NFIX: variants seen among roughly 807,000 people sequenced by gnomAD.
NFIX encodes the protein nuclear factor I X, also known as nuclear factor 1 X-type.
A neutral mutation model predicts 53.3 loss-of-function variants in NFIX; 2 were observed. The ratio of observed to expected loss-of-function variants is 0.04; its 90% CI spans 0.02 to 0.12. The LOEUF is 0.12. NFIX is among the 10% of genes least tolerant of loss of function. NFIX has a pLI of 1.00. For missense variants in NFIX, 310 were observed against 674.5 expected (o/e 0.46, Z 5.99); for synonymous variants, 244 against 289.0 (o/e 0.84, Z 1.58).
intron 2 of NFIX, among the ~76,000 whole-genome samples, chr19:13,032,281 A>G (rs1447365727): frequency 6.6e-6 from 1 of 152,000 alleles, no homozygotes; most frequent in African/African-American, 2.4e-5. Flanking sequence ...CTAGTGTAGG[A>G]GTGGAGGGTT....
rs1300601917 is a variant in NFIX at position 13,001,113 on chromosome 19, G to A, written c.27+5249G>A. ...TCCCAGCTGGGGTGGGGAAAAGGAG[G>A]GGGGTGTCTTAATTTTCTTGCCCCC... is the stretch of plus-strand genomic sequence containing the variant. On this transcript the variant is annotated intron_variant, in intron 1 of 10. Transcript: ENST00000592199. This position sits in a 1 kb window ranked among gnomAD's most constrained non-coding sequence, Gnocchi z 6.5. Among the ~76,000 whole-genome samples, 2 of 152,172 alleles carry A rather than the reference G, an allele frequency of 1.3e-5. No homozygotes were observed. Among genetic ancestry groups the A allele is most frequent in the Non-Finnish European group, 2.9e-5 (2 of 68,024 alleles).
chr19:13,083,685 G>A (rs990790988), intron 8 of NFIX, among the ~76,000 whole-genome samples: 1 of 152,150 alleles, frequency 6.6e-6, no homozygotes, highest in Non-Finnish European at 1.5e-5. Context: ...CCCAGCTGGG[G>A]AGCAACTTCT....
In NFIX at chr19:13,098,219, T is replaced by TC. The variant is rs1312253179; in HGVS notation, c.*3575dup. 6 of 138,152 alleles carry TC rather than the reference T, an allele frequency of 4.3e-5. No homozygotes were observed. The highest frequency in any genetic ancestry group is 1.7e-4 in the African/African-American group (6 of 35,908). 8.6% of individuals were successfully genotyped at this position (138,152 alleles called of 1,614,324 possible). On this transcript the variant is annotated 3_prime_UTR_variant, in exon 11 of 11. Coordinates refer to ENST00000592199, the MANE Select transcript of NFIX (RefSeq NM_001365902.3). ...AGCAATAAAGTCACGAGAACTTTCG[T>TC]CCCCCAATCGAGAGCCCGAGGGGCA...
At position 13,009,281 on chromosome 19, in the gene NFIX, G is replaced by A. The variant is rs2012200043; in HGVS notation, c.27+13417G>A. Among the ~76,000 whole-genome samples the A allele has an allele frequency of 6.6e-6, 1 of 151,940 alleles. No individual in the cohort carries two copies. The highest frequency in any genetic ancestry group is 2.4e-5 in the African/African-American group (1 of 41,410). On this transcript the variant is annotated intron_variant, in intron 1 of 10. Transcript: ENST00000592199. This position sits in a 1 kb window ranked among gnomAD's most constrained non-coding sequence, Gnocchi z 4.7. Reference sequence around the variant, plus strand: ...CCTCACAATAAAAATAACAGCTACCGACTCCAGAGCAATTATGCCTGGGCA... The same window carrying A: ...CCTCACAATAAAAATAACAGCTACCAACTCCAGAGCAATTATGCCTGGGCA...
At position 13,002,421 on chromosome 19, in the gene NFIX, C is replaced by T. The variant is rs895561463; in HGVS notation, c.27+6557C>T. On this transcript the variant is annotated intron_variant, in intron 1 of 10. Transcript: ENST00000592199. This position sits in a 1 kb window ranked among gnomAD's most constrained non-coding sequence, Gnocchi z 6.1. ...CCCTCCCGAGGAGCCCCTCTGAGGG[C>T]GGGAGTGGCCTCGTGCAGGGGCCTG... Among the ~76,000 whole-genome samples the T allele has an allele frequency of 3.9e-5, 6 of 152,148 alleles. No homozygotes were observed. The highest frequency in any genetic ancestry group is 1.9e-4 in the East Asian group (1 of 5,166).
chr19:13,082,229 C>T (rs1026095832), intron 8 of NFIX: 1 of 246,038 alleles, frequency 4.1e-6, no homozygotes, highest in African/African-American at 2.2e-5. Flanking sequence ...TTGCTAGATT[C>T]TAGACCAGGG....
At position 13,094,646 on chromosome 19, in the gene NFIX, C is replaced by G; in HGVS notation, c.1506C>G (p.Leu502=). ...NIPQQSQSWF[L] ...TCATCCTGTTTCAGTCCTGGTTCCT[C>G]TGATAAGATCGACAAAAGAAACAAC... Residue 502 remains leucine, a synonymous_variant, in exon 11 of 11, where the codon CTC becomes CTG. Transcript: ENST00000592199. This position sits in a 1 kb window ranked among gnomAD's most constrained non-coding sequence, Gnocchi z 4.3. 2 of 1,536,140 alleles carry G rather than the reference C, an allele frequency of 1.3e-6. No homozygotes were observed. Among genetic ancestry groups the G allele is most frequent in the Non-Finnish European group, 1.7e-6 (2 of 1,146,862 alleles).
rs1041969371 is a variant in NFIX at position 13,043,325 on chromosome 19, G to A, written c.559+17773G>A. ...GACCCTTGGGGGTCACCGTGGCATG[G>A]CAGTTTCCTCTCAGCTTCTGGCCTT... On this transcript the variant is annotated intron_variant, in intron 2 of 10. Transcript: ENST00000592199. The surrounding 1 kb of genome is among the most constrained non-coding windows in gnomAD (Gnocchi z 4.0). 6.6e-6 allele frequency among the ~76,000 whole-genome samples: 1 copy of A among 152,192 alleles called. No homozygotes were observed. The highest frequency in any genetic ancestry group is 2.4e-5 in the African/African-American group (1 of 41,440).
rs1407153525 is a variant in NFIX, at chr19:13,089,706, G to A, written c.1403-593G>A. ...TTGGGTTCCCCAAGCCTGCCTGCCT[G>A]GTCCTTGGGCCTGCCCAGAGTGGTA... On this transcript the variant is annotated intron_variant, in intron 9 of 10. Transcript: ENST00000592199. This position sits in a 1 kb window ranked among gnomAD's most constrained non-coding sequence, Gnocchi z 4.8. Among the ~76,000 whole-genome samples, 1 of 152,222 alleles carries A rather than the reference G, an allele frequency of 6.6e-6. No homozygotes were observed. Among genetic ancestry groups the A allele is most frequent in the Non-Finnish European group, 1.5e-5 (1 of 68,014 alleles).
In NFIX at chr19:12,996,512, A is replaced by AGGGGCAGGGGAGGGGAGAGG. The variant is rs1599691727; in HGVS notation, c.27+654_27+673dup. On this transcript the variant is annotated intron_variant, in intron 1 of 10. Transcript: ENST00000592199. The surrounding 1 kb of genome is among the most constrained non-coding windows in gnomAD (Gnocchi z 5.2). ...AAATGGCGGGGCTCCCAAATTTCGG[A>AGGGGCAGGGGAGGGGAGAGG]GGGGCAGGGGAGGGGAGAGGGGGGC... Among the ~76,000 whole-genome samples the AGGGGCAGGGGAGGGGAGAGG allele has an allele frequency of 9.6e-5, 2 of 20,778 alleles. No homozygotes were observed. The highest frequency in any genetic ancestry group is 3.7e-4 in the African/African-American group (2 of 5,368). The allele number at this position is 20,778 out of a possible 152,430, so 13.6% of individuals were successfully genotyped here.
chr19:13,030,639 G>T (rs2145215535), intron 2 of NFIX, among the ~76,000 whole-genome samples: 1 of 152,076 alleles, frequency 6.6e-6, no homozygotes, highest in Admixed American at 6.5e-5. Context: ...GGCTCCTAGT[G>T]CCCTTGCCAT....
At chr19:13,050,968 G>C (rs962031079) in intron 2 of NFIX, among the ~76,000 whole-genome samples, 3 of 152,206 alleles carry the variant, frequency 2.0e-5, no homozygotes, top group African/African-American at 7.2e-5. Flanking sequence ...AGATGGCCCT[G>C]GGCAGGGAGA....
chr19:13,078,249 C>A lies in NFIX; in HGVS notation c.956-364C>A, dbSNP rs976248673. On this transcript the variant is annotated intron_variant, in intron 6 of 10. Coordinates refer to ENST00000592199, the MANE Select transcript of NFIX (RefSeq NM_001365902.3). The surrounding 1 kb of genome is among the most constrained non-coding windows in gnomAD (Gnocchi z 4.7). ...CTCTCAAGCTGGCGCCCTGGGGTTCCTCCTGCACTCCTTTCCCAATGTTGG... is the reference window on the plus strand; with the variant it reads ...CTCTCAAGCTGGCGCCCTGGGGTTCATCCTGCACTCCTTTCCCAATGTTGG... Among the ~76,000 whole-genome samples the A allele has an allele frequency of 1.3e-5, 2 of 152,206 alleles. No individual in the cohort carries two copies. The highest frequency in any genetic ancestry group is 4.8e-5 in the African/African-American group (2 of 41,444).
In NFIX at chr19:13,021,586, G is replaced by A. The variant is rs2012954932; in HGVS notation, c.28-3435G>A. On this transcript the variant is annotated intron_variant, in intron 1 of 10. Transcript: ENST00000592199. This position sits in a 1 kb window ranked among gnomAD's most constrained non-coding sequence, Gnocchi z 4.2. ...CTGAGCCTCGCTGAGGGAGAGGGCGGCTGTAGGGATGGGGTTCTGAGTGGA... is the reference window on the plus strand; with the variant it reads ...CTGAGCCTCGCTGAGGGAGAGGGCGACTGTAGGGATGGGGTTCTGAGTGGA... Among the ~76,000 whole-genome samples, 1 of 152,232 alleles carries A rather than the reference G, an allele frequency of 6.6e-6. No homozygotes were observed. Among genetic ancestry groups the A allele is most frequent in the Admixed American group, 6.5e-5 (1 of 15,282 alleles).
At chr19:13,058,583 A>AT (rs1342544269) in intron 2 of NFIX, among the ~76,000 whole-genome samples, 1 of 150,508 alleles carries the variant, frequency 6.6e-6, no homozygotes, top group Non-Finnish European at 1.5e-5. Flanking sequence ...CCCCCAGCTA[A>AT]TTTTTTAGGA....
At position 13,043,335 on chromosome 19, in the gene NFIX, C is replaced by T. The variant is rs569278633; in HGVS notation, c.559+17783C>T. Among the ~76,000 whole-genome samples the T allele has an allele frequency of 2.6e-4, 39 of 152,342 alleles. No homozygotes were observed. The highest frequency in any genetic ancestry group is 3.4e-3 in the Middle Eastern group (1 of 294). On this transcript the variant is annotated intron_variant, in intron 2 of 10. Transcript: ENST00000592199. This position sits in a 1 kb window ranked among gnomAD's most constrained non-coding sequence, Gnocchi z 4.0. ...GGTCACCGTGGCATGGCAGTTTCCT[C>T]TCAGCTTCTGGCCTTGGGACTGCAG...
chr19:13,053,908 C>T (rs1363889353), intron 2 of NFIX, among the ~76,000 whole-genome samples: 1 of 152,018 alleles, frequency 6.6e-6, no homozygotes, highest in Non-Finnish European at 1.5e-5. Flanking sequence ...AGGGGTGCTG[C>T]CCCCACCTCT....
rs1048433983 is a variant in NFIX, at chr19:13,073,530, G to A, written c.697+34G>A. 2 of 1,592,392 alleles carry A rather than the reference G, an allele frequency of 1.3e-6. No homozygotes were observed. Among genetic ancestry groups the A allele is most frequent in the Non-Finnish European group, 1.7e-6 (2 of 1,160,370 alleles). On this transcript the variant is annotated intron_variant, in intron 4 of 10. Transcript: ENST00000592199. The surrounding 1 kb of genome is among the most constrained non-coding windows in gnomAD (Gnocchi z 4.5). ...GTCCTTCCTTCCAGGCCAGGGATGG[G>A]GATTGAAAGTGAGGAGGTGGGACCT...
chr19:13,079,326 C>A (rs991070358), intron 7 of NFIX, among the ~76,000 whole-genome samples: 1 of 152,200 alleles, frequency 6.6e-6, no homozygotes, highest in African/African-American at 2.4e-5. Flanking sequence ...AAGGAACTGC[C>A]CACTGCCGTG....
Sources: gnomAD v4.1 joint callset for allele counts (sites outside exome capture counted in the v4.1 genomes callset) on GRCh38, gnomAD v4.1.1 for gene constraint, Gnocchi (gnomAD v3.1) non-coding constraint, MANE v1.5 for transcripts, NCBI Gene and HGNC (gene_info 2026-07-23, HGNC 2026-07-21) for gene names.